The following SNX10 variants were observed in gnomAD, a reference collection of about 807,000 sequenced individuals.
The protein encoded by SNX10 is sorting nexin-10.
Under a neutral mutation model 28.5 loss-of-function variants are expected in SNX10, and 25 were observed. That is an observed-to-expected ratio of 0.88 (90% CI 0.64 to 1.22). The LOEUF is 1.22. Among genes scored for constraint, SNX10 ranks in the 50% most tolerant of loss-of-function variants. The probability of loss-of-function intolerance (pLI) is 0.00; values close to 1 mark genes in which losing one functional copy is unlikely to be tolerated. For synonymous variants in SNX10, 62 were observed against 81.4 expected (o/e 0.76, Z 1.28); for missense variants, 223 against 242.6 (o/e 0.92, Z 0.54).
chr7:26,327,785 A>G (rs1333393467), intron 1 of SNX10, among the ~76,000 whole-genome samples: 1 of 129,862 alleles, frequency 7.7e-6, no homozygotes, highest in Non-Finnish European at 1.5e-5. Flanking sequence ...GCTGGTGTAC[A>G]GTGGTATGAT....
At chr7:26,306,819 G>A (rs1043934198) in intron 1 of SNX10, among the ~76,000 whole-genome samples, 1 of 152,212 alleles carries the variant, frequency 6.6e-6, no homozygotes, top group African/African-American at 2.4e-5. Flanking sequence ...TGGCACAGTC[G>A]GAGCCAGGCA....
intron 1 of SNX10, among the ~76,000 whole-genome samples, chr7:26,329,747 A>G (rs1787660869): frequency 6.6e-6 from 1 of 152,230 alleles, no homozygotes; most frequent in Non-Finnish European, 1.5e-5. Flanking sequence ...GATGCAAACT[A>G]GTAACCTGGT....
At chr7:26,337,567 C>A (rs1038549607) in intron 1 of SNX10, among the ~76,000 whole-genome samples, 1 of 152,136 alleles carries the variant, frequency 6.6e-6, no homozygotes, top group Non-Finnish European at 1.5e-5. Flanking sequence ...AAGGATTTGT[C>A]TTTTTATGAT....
intron 1 of SNX10, among the ~76,000 whole-genome samples, chr7:26,341,288 C>T (rs750470478): frequency 1.3e-5 from 2 of 151,968 alleles, no homozygotes; most frequent in African/African-American, 2.4e-5. Flanking sequence ...GACAGTGAGA[C>T]CCTGTCTCTA....
At chr7:26,367,780 G>A (rs1387869423) in intron 5 of SNX10, among the ~76,000 whole-genome samples, 1 of 152,196 alleles carries the variant, frequency 6.6e-6, no homozygotes, top group African/African-American at 2.4e-5. Context: ...CTGGTTACCT[G>A]TTAAGTAGGG....
intron 1 of SNX10, among the ~76,000 whole-genome samples, chr7:26,296,464 C>G (rs773896034): frequency 3.5e-4 from 53 of 152,030 alleles, no homozygotes; most frequent in Admixed American, 1.3e-3. Flanking sequence ...TGCAGTGAGC[C>G]ATGATCTCAC....
chr7:26,364,427 G>GT lies in SNX10; in HGVS notation c.112-105dup, dbSNP rs1789208658. The GT allele has an allele frequency of 7.0e-7, 1 of 1,420,956 alleles. No individual in the cohort carries two copies. Among genetic ancestry groups the GT allele is most frequent in the African/African-American group, 1.4e-5 (1 of 69,590 alleles). 88.0% of individuals were successfully genotyped at this position (1,420,956 alleles called of 1,614,324 possible). On this transcript the variant is annotated intron_variant, in intron 3 of 6. Transcript: ENST00000338523. This position sits in a 1 kb window ranked among gnomAD's most constrained non-coding sequence, Gnocchi z 4.9. ...CATAAATATAAATATATGTTTGGTG[G>GT]TTTAAATCCTATTTAGAGTGAATGT...
intron 2 of SNX10, among the ~76,000 whole-genome samples, chr7:26,346,985 A>C (rs1023879113): frequency 6.6e-6 from 1 of 152,172 alleles, no homozygotes; most frequent in African/African-American, 2.4e-5. Flanking sequence ...GACAGCCCTC[A>C]TGCCAGCCCC....
chr7:26,359,798 C>T (rs547012094), intron 2 of SNX10, among the ~76,000 whole-genome samples: 24 of 152,164 alleles, frequency 1.6e-4, no homozygotes, highest in African/African-American at 5.8e-4. Context: ...GCTGGGACTA[C>T]AGGCACACGC....
intron 1 of SNX10, among the ~76,000 whole-genome samples, chr7:26,345,149 A>G (rs1187295885): frequency 1.3e-5 from 2 of 152,194 alleles, no homozygotes; most frequent in East Asian, 3.9e-4. Flanking sequence ...TTATGTCTCC[A>G]AAGACTCTTT....
chr7:26,341,438 G>A lies in SNX10; in HGVS notation c.-23-4982G>A, dbSNP rs115779469. 3.7e-3 allele frequency among the ~76,000 whole-genome samples: 570 copies of A among 152,254 alleles called. 4 individuals are homozygous for A. Among genetic ancestry groups the A allele is most frequent in the African/African-American group, 0.013 (548 of 41,546 alleles). ...AGAGACAGCCTAGCAGAGGACACTGGGAGGCAGATATCCATACTTGGCATA... is the reference window on the plus strand; with the variant it reads ...AGAGACAGCCTAGCAGAGGACACTGAGAGGCAGATATCCATACTTGGCATA... On this transcript the variant is annotated intron_variant, in intron 1 of 6. Coordinates refer to ENST00000338523, the MANE Select transcript of SNX10 (RefSeq NM_013322.3).
At chr7:26,335,925 A>G (rs1201644440) in intron 1 of SNX10, among the ~76,000 whole-genome samples, 1 of 150,850 alleles carries the variant, frequency 6.6e-6, no homozygotes, top group African/African-American at 2.4e-5. Flanking sequence ...TTGTATTTTT[A>G]GTAGAGACGG....
At chr7:26,312,834 T>C (rs1273811673) in intron 1 of SNX10, among the ~76,000 whole-genome samples, 1 of 152,120 alleles carries the variant, frequency 6.6e-6, no homozygotes, top group Non-Finnish European at 1.5e-5. Flanking sequence ...CTTGCTCTTA[T>C]GCATAATTGA....
chr7:26,324,764 C>T (rs557151237), intron 1 of SNX10, among the ~76,000 whole-genome samples: 1 of 152,118 alleles, frequency 6.6e-6, no homozygotes, highest in Non-Finnish European at 1.5e-5. Context: ...CAAGACTGTC[C>T]TGAACAACCC....
rs1789047591 is a variant in SNX10 at position 26,361,068 on chromosome 7, A to G, written c.111+7A>G. The G allele has an allele frequency of 6.3e-7, 1 of 1,591,540 alleles. No homozygotes were observed. The highest frequency in any genetic ancestry group is 1.3e-5 in the African/African-American group (1 of 74,338). On this transcript the variant is annotated splice_region_variant and intron_variant, in intron 3 of 6. Coordinates refer to ENST00000338523, the MANE Select transcript of SNX10 (RefSeq NM_013322.3). The stretch of plus-strand genomic sequence containing the variant: ...CTATGAGATATGTATTCATGTAAGT[A>G]TGTAGTCAGTAGAAATAGTAATTTT...
At chr7:26,356,001 A>G (rs1174694399) in intron 2 of SNX10, among the ~76,000 whole-genome samples, 3 of 152,234 alleles carry the variant, frequency 2.0e-5, no homozygotes, top group Admixed American at 6.5e-5. Context: ...CCACATGTCA[A>G]GTGCCCTGGT....
chr7:26,334,648 G>C (rs1244336819), intron 1 of SNX10, among the ~76,000 whole-genome samples: 1 of 152,142 alleles, frequency 6.6e-6, no homozygotes, highest in Non-Finnish European at 1.5e-5. Flanking sequence ...GTATGTCATA[G>C]AGATTAGCAA....
At chr7:26,326,612 C>G (rs931656769) in intron 1 of SNX10, among the ~76,000 whole-genome samples, 1 of 152,198 alleles carries the variant, frequency 6.6e-6, no homozygotes, top group African/African-American at 2.4e-5. Context: ...TCGCTTAAAG[C>G]TATATGACCT....
At chr7:26,302,385 G>A (rs541764077) in intron 1 of SNX10, among the ~76,000 whole-genome samples, 2 of 152,226 alleles carry the variant, frequency 1.3e-5, no homozygotes, top group East Asian at 1.9e-4. Context: ...TGGACTCTAC[G>A]CAGGCTGGCA....
Sources: gnomAD v4.1 joint callset for allele counts (sites outside exome capture counted in the v4.1 genomes callset) on GRCh38, gnomAD v4.1.1 for gene constraint, Gnocchi (gnomAD v3.1) non-coding constraint, MANE v1.5 for transcripts, NCBI Gene and HGNC (gene_info 2026-07-23, HGNC 2026-07-21) for gene names.